EXOC2: variants seen among roughly 807,000 people sequenced by gnomAD.
The protein encoded by EXOC2 is exocyst complex component 2.
EXOC2 carries 70 observed loss-of-function variants against 131.8 expected under a neutral mutation model. The ratio of observed to expected loss-of-function variants is 0.53; its 90% CI spans 0.44 to 0.65. The LOEUF (loss-of-function observed/expected upper bound fraction) is 0.65, where lower values mean the gene tolerates loss of function less well. EXOC2 is among the 30% of genes least tolerant of loss of function. The pLI, the probability that EXOC2 is intolerant of heterozygous loss-of-function variation, is 0.00. For missense variants in EXOC2, 923 were observed against 1,108.6 expected (o/e 0.83, Z 2.38); for synonymous variants, 411 against 398.4 (o/e 1.03, Z -0.38).
chr6:623,787 G>A (rs1761417486), intron 4 of EXOC2, among the ~76,000 whole-genome samples: 1 of 152,188 alleles, frequency 6.6e-6, no homozygotes, highest in African/African-American at 2.4e-5. Flanking sequence ...AGGTCTGTTG[G>A]AGCACATCTG....
At chr6:557,162 C>T (rs901130862) in intron 17 of EXOC2, among the ~76,000 whole-genome samples, 1 of 152,052 alleles carries the variant, frequency 6.6e-6, no homozygotes, top group African/African-American at 2.4e-5. Flanking sequence ...CACTTTGTGC[C>T]AGGAACTACT....
intron 1 of EXOC2, among the ~76,000 whole-genome samples, chr6:664,193 A>G (rs1210477916): frequency 2.6e-5 from 4 of 152,164 alleles, no homozygotes; most frequent in African/African-American, 9.7e-5. Context: ...ATAGCTGCAA[A>G]AATAAAATAA....
chr6:656,592 A>G, intron 1 of EXOC2: 1 of 1,594,308 alleles, frequency 6.3e-7, no homozygotes, highest in Non-Finnish European at 8.5e-7. Flanking sequence ...GGACGAGACC[A>G]GCTCCACCGC....
At chr6:499,834 T>C (rs775885978) in intron 23 of EXOC2, 134 bp from the exon 24 acceptor site, 3 of 662,456 alleles carry the variant, frequency 4.5e-6, no homozygotes, top group East Asian at 2.6e-5. Flanking sequence ...TATTTCCTTT[T>C]GAGAATCAAA....
chr6:660,929 T>C (rs1044515190), intron 1 of EXOC2, among the ~76,000 whole-genome samples: 6 of 152,030 alleles, frequency 3.9e-5, no homozygotes, highest in African/African-American at 1.4e-4. Flanking sequence ...GGGAGAAATA[T>C]TCAAGGAAAT....
intron 7 of EXOC2, among the ~76,000 whole-genome samples, chr6:606,072 G>A (rs997740184): frequency 1.3e-5 from 2 of 152,204 alleles, no homozygotes; most frequent in Admixed American, 6.5e-5. Context: ...ATACACCAGG[G>A]AATACTATGC....
chr6:568,992 C>T (rs567805411), intron 13 of EXOC2, among the ~76,000 whole-genome samples: 4 of 152,194 alleles, frequency 2.6e-5, no homozygotes, highest in Admixed American at 1.3e-4. Flanking sequence ...TGGGGCAGAC[C>T]GCTTTCAGTT....
At chr6:526,318 T>C (rs1033516567) in intron 23 of EXOC2, among the ~76,000 whole-genome samples, 7 of 152,216 alleles carry the variant, frequency 4.6e-5, no homozygotes, top group Non-Finnish European at 4.4e-5. Context: ...AATTACATTC[T>C]TTGAGAATTG....
intron 1 of EXOC2, chr6:656,353 C>A (rs1342883534): frequency 6.2e-7 from 1 of 1,614,184 alleles, no homozygotes; most frequent in East Asian, 2.2e-5. Context: ...TGAATGGACA[C>A]CACCTCCGTC....
In EXOC2 at chr6:614,953, C is replaced by T. The variant is rs201881161; in HGVS notation, c.661+2758G>A. 3.1e-4 allele frequency among the ~76,000 whole-genome samples: 47 copies of T among 151,356 alleles called. No homozygotes were observed. The East Asian group carries it at 8.9e-3, about 29-fold the overall frequency. ...TACTAAGGAGGAAAATTACAATACA[C>T]ATTTTAAAAACACAAAAAAGATATC... On this transcript the variant is annotated intron_variant, in intron 6 of 27. Transcript: ENST00000230449.
intron 1 of EXOC2, among the ~76,000 whole-genome samples, chr6:668,116 A>G (rs1398341297): frequency 6.6e-6 from 1 of 152,198 alleles, no homozygotes; most frequent in African/African-American, 2.4e-5. Context: ...CAACTGGAAT[A>G]GGATATGTCT....
At chr6:504,062 C>G (rs1003925987) in intron 23 of EXOC2, among the ~76,000 whole-genome samples, 2 of 152,356 alleles carry the variant, frequency 1.3e-5, no homozygotes, top group Non-Finnish European at 2.9e-5. Flanking sequence ...GCCCGGCTCG[C>G]TGGCTCCATG....
chr6:520,859 T>C (rs80174834), intron 23 of EXOC2, among the ~76,000 whole-genome samples: 10 of 19,794 alleles, frequency 5.1e-4, no homozygotes, highest in Non-Finnish European at 7.5e-4. Flanking sequence ...TCCACACTCG[T>C]AGATGAAAAC....
Position 499,637 on chromosome 6 carries a change from T to C in EXOC2, c.2436+8A>G. On this transcript the variant is annotated splice_region_variant and intron_variant, in intron 24 of 27. Coordinates refer to ENST00000230449, the MANE Select transcript of EXOC2 (RefSeq NM_018303.6). ...CATATCTCTTAGGAACATCTAATGA[T>C]ACTTTACCTCTGCATGCACGGCAAT... is the stretch of plus-strand genomic sequence containing the variant. 1 of 1,611,554 alleles carries C rather than the reference T, an allele frequency of 6.2e-7. No individual in the cohort carries two copies. The highest frequency in any genetic ancestry group is 8.5e-7 in the Non-Finnish European group (1 of 1,177,924).
chr6:649,596 G>T (rs1270337113), intron 1 of EXOC2, among the ~76,000 whole-genome samples: 1 of 152,210 alleles, frequency 6.6e-6, no homozygotes, highest in Non-Finnish European at 1.5e-5. Flanking sequence ...GACCCGAATG[G>T]GGATAACCAG....
intron 23 of EXOC2, among the ~76,000 whole-genome samples, chr6:516,487 C>G (rs1268612793): frequency 6.6e-6 from 1 of 152,238 alleles, no homozygotes; most frequent in Non-Finnish European, 1.5e-5. Context: ...TGTGCAGACA[C>G]CAGAGGCTTC....
Position 491,112 on chromosome 6 carries a change from C to T in EXOC2, c.2621+13G>A, listed in dbSNP as rs201851217. On this transcript the variant is annotated intron_variant, in intron 26 of 27. Coordinates refer to ENST00000230449, the MANE Select transcript of EXOC2 (RefSeq NM_018303.6). ...TTTAATAGAGCACTCAACTAAAGAA[C>T]ACTGCCACTTACTTGCTTTCGGGTG... is the stretch of plus-strand genomic sequence containing the variant. 58 of 1,614,012 alleles carry T rather than the reference C, an allele frequency of 3.6e-5. No individual in the cohort carries two copies. The South Asian group carries it at 5.1e-4, about 14-fold the overall frequency.
rs1029750492 is a variant in EXOC2 at position 485,626 on chromosome 6, C to T, written c.*1045G>A. On this transcript the variant is annotated 3_prime_UTR_variant, in exon 28 of 28. Coordinates refer to ENST00000230449, the MANE Select transcript of EXOC2 (RefSeq NM_018303.6). ...AAGTCCCGGTGACCTGAACCTATTC[C>T]AGTGAAGCCAGTCAGCAGTGAATGT... 4 of 152,236 alleles carry T rather than the reference C, an allele frequency of 2.6e-5. No individual in the cohort carries two copies. The highest frequency in any genetic ancestry group is 9.7e-5 in the African/African-American group (4 of 41,438). 9.4% of individuals were successfully genotyped at this position (152,236 alleles called of 1,614,324 possible). A position where few individuals can be genotyped will look rare whatever the true frequency, so the allele number is the denominator to read the frequency against.
chr6:642,840 A>T (rs1762415875), intron 1 of EXOC2, among the ~76,000 whole-genome samples: 2 of 152,154 alleles, frequency 1.3e-5, no homozygotes, highest in Non-Finnish European at 2.9e-5. Context: ...TAGTTATAGA[A>T]ATAGATTTAT....
Sources: gnomAD v4.1 joint callset for allele counts (sites outside exome capture counted in the v4.1 genomes callset) on GRCh38, gnomAD v4.1.1 for gene constraint, MANE v1.5 for transcripts, NCBI Gene and HGNC (gene_info 2026-07-23, HGNC 2026-07-21) for gene names.